The following BCKDHB variants were observed in gnomAD, a reference collection of about 807,000 sequenced individuals.
BCKDHB encodes 2-oxoisovalerate dehydrogenase subunit beta, mitochondrial.
In BCKDHB, 41 loss-of-function variants were observed where a neutral mutation model predicts 48.5. That is an observed-to-expected ratio of 0.85 (90% CI 0.66 to 1.10). BCKDHB has a LOEUF of 1.10. Among genes scored for constraint, BCKDHB ranks in the 50% least tolerant of loss-of-function variants. The pLI, the probability that BCKDHB is intolerant of heterozygous loss-of-function variation, is 0.00. For missense variants in BCKDHB, 496 were observed against 494.2 expected, an observed-to-expected ratio of 1.00 and a Z score of -0.03; for synonymous variants, 201 against 174.8, an observed-to-expected ratio of 1.15 and a Z score of -1.18.
chr6:80,432,978 A>G, the BCKDHB span, among the ~76,000 whole-genome samples: 1 of 152,140 alleles, frequency 6.6e-6, no homozygotes, highest in Non-Finnish European at 1.5e-5. Context: ...TTGCCTGGGT[A>G]TCACCAGTGG....
chr6:80,365,284 G>A, the BCKDHB span, among the ~76,000 whole-genome samples: 1 of 152,120 alleles, frequency 6.6e-6, no homozygotes, highest in Admixed American at 6.6e-5. Context: ...TGAGAGCAGA[G>A]AACCAGTCTG....
At chr6:80,387,183 T>G in the BCKDHB span, among the ~76,000 whole-genome samples, 11 of 152,290 alleles carry the variant, frequency 7.2e-5, no homozygotes, top group South Asian at 2.3e-3. Flanking sequence ...CAGCTCTGAC[T>G]TACAGTGGGT....
chr6:80,444,417 T>C, the BCKDHB span, among the ~76,000 whole-genome samples: 1 of 152,168 alleles, frequency 6.6e-6, no homozygotes, highest in Non-Finnish European at 1.5e-5. Context: ...TGATACTTAT[T>C]AAAATAATTT....
At chr6:80,157,033 G>A (rs1274761332) in intron 3 of BCKDHB, among the ~76,000 whole-genome samples, 1 of 152,044 alleles carries the variant, frequency 6.6e-6, no homozygotes, top group Non-Finnish European at 1.5e-5. Flanking sequence ...AGGAGTGTAA[G>A]AACACATTTT....
intron 9 of BCKDHB, among the ~76,000 whole-genome samples, chr6:80,296,157 C>T (rs748747694): frequency 6.6e-6 from 1 of 151,996 alleles, no homozygotes; most frequent in Non-Finnish European, 1.5e-5. Flanking sequence ...AGTTTTTTAC[C>T]TCTATTCTAA....
chr6:80,420,093 A>C, the BCKDHB span, among the ~76,000 whole-genome samples: 1 of 152,082 alleles, frequency 6.6e-6, no homozygotes, highest in Non-Finnish European at 1.5e-5. Context: ...CTTGTAGCTC[A>C]CTGAGCTTCT....
At chr6:80,290,007 G>A (rs185214315) in intron 9 of BCKDHB, among the ~76,000 whole-genome samples, 1 of 152,196 alleles carries the variant, frequency 6.6e-6, no homozygotes, top group African/African-American at 2.4e-5. Context: ...TAGCCACCCT[G>A]TAGGAGTGAG....
At chr6:80,221,634 T>A (rs182530614) in intron 8 of BCKDHB, among the ~76,000 whole-genome samples, 281 of 152,296 alleles carry the variant, frequency 1.8e-3, no homozygotes, top group Non-Finnish European at 1.8e-3. Flanking sequence ...TTTTTTCTCA[T>A]TTGTCTAGAA....
At chr6:80,235,851 G>C (rs1776126338) in intron 8 of BCKDHB, among the ~76,000 whole-genome samples, 1 of 152,176 alleles carries the variant, frequency 6.6e-6, no homozygotes, top group Non-Finnish European at 1.5e-5. Flanking sequence ...ACTGAGCAGT[G>C]AAACTTTGTT....
At chr6:80,306,115 C>A (rs1767863107) in intron 9 of BCKDHB, among the ~76,000 whole-genome samples, 1 of 152,196 alleles carries the variant, frequency 6.6e-6, no homozygotes, top group Non-Finnish European at 1.5e-5. Context: ...TAGTGCTCAG[C>A]AAGTATTAGC....
intron 8 of BCKDHB, among the ~76,000 whole-genome samples, chr6:80,248,915 TG>T (rs1776725000): frequency 1.3e-5 from 2 of 151,502 alleles, no homozygotes; most frequent in Non-Finnish European, 2.9e-5. Flanking sequence ...TGTGTGTGTG[TG>T]TGTGTGTGTG....
chr6:80,384,342 CTTCTTCTT>C, the BCKDHB span, among the ~76,000 whole-genome samples: 2 of 20,312 alleles, frequency 9.8e-5, no homozygotes, highest in Non-Finnish European at 2.2e-4. Flanking sequence ...TCTTCTTCTT[CTTCTTCTT>C]TTTTTTTTTT....
At chr6:80,421,196 G>A in the BCKDHB span, among the ~76,000 whole-genome samples, 1 of 152,052 alleles carries the variant, frequency 6.6e-6, no homozygotes, top group Non-Finnish European at 1.5e-5. Context: ...TTTAAAGGTG[G>A]CAGTTTCCCT....
chr6:80,139,023 T>C (rs1771043450), intron 3 of BCKDHB, among the ~76,000 whole-genome samples: 1 of 152,226 alleles, frequency 6.6e-6, no homozygotes, highest in South Asian at 2.1e-4. Flanking sequence ...TATCTCATTG[T>C]GGTTTTGATT....
intron 3 of BCKDHB, among the ~76,000 whole-genome samples, chr6:80,166,144 C>T (rs1384245144): frequency 6.6e-6 from 1 of 152,106 alleles, no homozygotes; most frequent in Non-Finnish European, 1.5e-5. Context: ...ACTTTTGGCC[C>T]TTCAATGCCT....
chr6:80,296,671 A>C (rs775059527), intron 9 of BCKDHB, among the ~76,000 whole-genome samples: 1 of 152,118 alleles, frequency 6.6e-6, no homozygotes, highest in Non-Finnish European at 1.5e-5. Context: ...TTTAATGAGC[A>C]GATCAGTGCT....
At chr6:80,316,636 A>G (rs562030989) in intron 9 of BCKDHB, among the ~76,000 whole-genome samples, 6 of 152,306 alleles carry the variant, frequency 3.9e-5, no homozygotes, top group African/African-American at 7.2e-5. Flanking sequence ...GCTTTATACC[A>G]ATAACTTTTG....
chr6:80,212,778 C>T (rs1305113790), intron 8 of BCKDHB, among the ~76,000 whole-genome samples: 2 of 152,206 alleles, frequency 1.3e-5, no homozygotes, highest in Non-Finnish European at 2.9e-5. Flanking sequence ...GGTTCCCTGA[C>T]TTCCTGCAAC....
At chr6:80,131,783 C>CA (rs1201078475) in intron 3 of BCKDHB, among the ~76,000 whole-genome samples, 4 of 152,024 alleles carry the variant, frequency 2.6e-5, no homozygotes, top group Non-Finnish European at 5.9e-5. Context: ...GCTGGGACTA[C>CA]AGCCGCATAC....
Sources: gnomAD v4.1 joint callset for allele counts (sites outside exome capture counted in the v4.1 genomes callset) on GRCh38, gnomAD v4.1.1 for gene constraint, MANE v1.5 for transcripts, NCBI Gene and HGNC (gene_info 2026-07-23, HGNC 2026-07-21) for gene names.